Variants in IGSF10 observed in about 807,000 individuals in gnomAD.
The protein encoded by IGSF10 is calvaria mechanical force protein 608.
In IGSF10, 126 loss-of-function variants were observed where a neutral mutation model predicts 128.2. That is an observed-to-expected ratio of 0.98 (90% CI 0.85 to 1.14). The LOEUF (loss-of-function observed/expected upper bound fraction) is 1.14. IGSF10 is among the 50% of genes most tolerant of loss of function. IGSF10 has a pLI of 0.00. For missense variants in IGSF10, 3,295 were observed against 3,149.8 expected (o/e 1.05, Z -1.10); for synonymous variants, 1,185 against 1,146.2 (o/e 1.03, Z -0.68).
chr3:151,531,225 C>T, the IGSF10 span, among the ~76,000 whole-genome samples: 1 of 152,080 alleles, frequency 6.6e-6, no homozygotes, highest in Non-Finnish European at 1.5e-5. Context: ...CTTAGACTCC[C>T]ACACAATAAC....
chr3:151,526,107 C>A, the IGSF10 span, among the ~76,000 whole-genome samples: 8 of 152,204 alleles, frequency 5.3e-5, no homozygotes, highest in Non-Finnish European at 1.0e-4. Context: ...TAGCACATAA[C>A]CATGATACTT....
At position 151,446,338 on chromosome 3, in the gene IGSF10, G is replaced by T. The variant is rs760870413; in HGVS notation, c.3643C>A (p.Pro1215Thr). The T allele has an allele frequency of 6.2e-7, 1 of 1,613,766 alleles. No individual in the cohort carries two copies. Among genetic ancestry groups the T allele is most frequent in the Non-Finnish European group, 8.5e-7 (1 of 1,179,700 alleles). Residue 1215 changes from proline (P) to threonine (T), a missense_variant, in exon 6 of 8, where the codon CCA becomes ACA. Coordinates refer to ENST00000282466, the MANE Select transcript of IGSF10 (RefSeq NM_178822.5). Reference protein sequence around the residue: ...WQQNFVNNHNPKGRLRNQHKV... With the variant: ...WQQNFVNNHNTKGRLRNQHKV... Reference sequence around the variant, plus strand: ...TGTTGATTCCTTAATCTGCCTTTTGGGTTATGGTTATTTACAAAGTTCTGT... The same window carrying T: ...TGTTGATTCCTTAATCTGCCTTTTGTGTTATGGTTATTTACAAAGTTCTGT...
chr3:151,552,466 T>A, the IGSF10 span, among the ~76,000 whole-genome samples: 1 of 152,050 alleles, frequency 6.6e-6, no homozygotes, highest in East Asian at 1.9e-4. Context: ...TAAGTAAATA[T>A]GAATTTCAGG....
At chr3:151,602,578 A>G in the IGSF10 span, among the ~76,000 whole-genome samples, 5 of 151,866 alleles carry the variant, frequency 3.3e-5, no homozygotes, top group Non-Finnish European at 7.4e-5. Context: ...CTACAATTTC[A>G]TTTTTTGATC....
At chr3:151,533,441 G>A in the IGSF10 span, among the ~76,000 whole-genome samples, 2 of 152,274 alleles carry the variant, frequency 1.3e-5, no homozygotes, top group South Asian at 4.2e-4. Flanking sequence ...GCATGGTACT[G>A]GTACCAAAAC....
chr3:151,617,290 T>TTCTTCTTCC, the IGSF10 span, among the ~76,000 whole-genome samples: 1 of 126,256 alleles, frequency 7.9e-6, no homozygotes, highest in Non-Finnish European at 1.6e-5. Context: ...CTTCTTCTTC[T>TTCTTCTTCC]TCTTCTTCTT....
At chr3:151,493,401 C>T in the IGSF10 span, among the ~76,000 whole-genome samples, 1 of 152,128 alleles carries the variant, frequency 6.6e-6, no homozygotes, top group Non-Finnish European at 1.5e-5. Flanking sequence ...CGATGGACCC[C>T]CATATACCAG....
At chr3:151,610,547 A>C in the IGSF10 span, among the ~76,000 whole-genome samples, 1 of 152,218 alleles carries the variant, frequency 6.6e-6, no homozygotes, top group Admixed American at 6.5e-5. Flanking sequence ...TTGTTTTATT[A>C]AATGACAGAA....
Position 151,447,039 on chromosome 3 carries a change from G to T in IGSF10, c.2942C>A (p.Thr981Lys). ...SHTTQILSTS[T>K]FPSDPHTAAH... ...AGCTGTGTGTGGATCTGAAGGGAAC[G>T]TGGAGGTGCTAAGTATTTGAGTAGT... The change falls in exon 6 of 8, where the codon ACG becomes AAG. Residue 981 changes from threonine (T) to lysine (K), a missense_variant. Transcript: ENST00000282466. 6.2e-7 allele frequency: 1 copy of T among 1,613,902 alleles called. No individual in the cohort carries two copies. Among genetic ancestry groups the T allele is most frequent in the Non-Finnish European group, 8.5e-7 (1 of 1,179,904 alleles).
the IGSF10 span, among the ~76,000 whole-genome samples, chr3:151,543,335 C>G: frequency 6.6e-6 from 1 of 152,110 alleles, no homozygotes; most frequent in Non-Finnish European, 1.5e-5. Flanking sequence ...AGCAGCTTAC[C>G]CACATTAGCT....
At chr3:151,615,806 A>G in the IGSF10 span, among the ~76,000 whole-genome samples, 1 of 152,198 alleles carries the variant, frequency 6.6e-6, no homozygotes, top group Non-Finnish European at 1.5e-5. Context: ...ATAGAAAAAT[A>G]TTAACAGTAA....
the IGSF10 span, among the ~76,000 whole-genome samples, chr3:151,607,023 C>T: frequency 1.3e-5 from 2 of 152,190 alleles, no homozygotes; most frequent in Non-Finnish European, 2.9e-5. Context: ...GGACCTCAGG[C>T]ACACTACTTC....
the IGSF10 span, among the ~76,000 whole-genome samples, chr3:151,611,930 T>C: frequency 6.6e-6 from 1 of 152,190 alleles, no homozygotes; most frequent in African/African-American, 2.4e-5. Flanking sequence ...AGCCACTGAC[T>C]CACCTTCAGT....
At chr3:151,451,976 A>G (rs1721531994) in intron 5 of IGSF10, among the ~76,000 whole-genome samples, 1 of 152,236 alleles carries the variant, frequency 6.6e-6, no homozygotes, top group Non-Finnish European at 1.5e-5. Context: ...ACATTTAACT[A>G]CTGAGATCAG....
rs761468860 is a variant in IGSF10, at chr3:151,448,924, C to T, written c.1057G>A (p.Val353Met). 3.3e-5 allele frequency: 53 copies of T among 1,614,034 alleles called. No homozygotes were observed. Among genetic ancestry groups the T allele is most frequent in the Middle Eastern group, 1.6e-4 (1 of 6,084 alleles). ...AATGTTGAAAATGAAGTATTTAGCACGATGTAGTCATTTTCTTCAGTGAAT... is the reference window on the plus strand; with the variant it reads ...AATGTTGAAAATGAAGTATTTAGCATGATGTAGTCATTTTCTTCAGTGAAT... ...IAFTEENDYIVLNTSFSTFLV... is the reference protein window; with the variant it reads ...IAFTEENDYIMLNTSFSTFLV... The change falls in exon 6 of 8, where the codon GTG (valine) becomes ATG (methionine). Residue 353 changes from valine (V) to methionine (M), a missense_variant. Transcript: ENST00000282466.
At chr3:151,559,171 AAAAC>A in the IGSF10 span, among the ~76,000 whole-genome samples, 6 of 152,166 alleles carry the variant, frequency 3.9e-5, no homozygotes, top group Admixed American at 2.6e-4. Context: ...AAGGGAGTAA[AAAAC>A]AAACAAACAA....
chr3:151,473,158 C>T, the IGSF10 span, among the ~76,000 whole-genome samples: 70 of 152,276 alleles, frequency 4.6e-4, no homozygotes, highest in Middle Eastern at 0.01. Flanking sequence ...CTAATCCTTT[C>T]GTTTTCTGTA....
chr3:151,446,626 C>T lies in IGSF10; in HGVS notation c.3355G>A (p.Val1119Ile). Reference protein sequence around the residue: ...PLLLLENKPSVEKTTPTIKYF... With the variant: ...PLLLLENKPSIEKTTPTIKYF... ...TTTATTGTGGGTGTTGTTTTCTCTA[C>T]ACTGGGTTTGTTCTCAAGTAGTAAT... The change falls in exon 6 of 8, where the codon GTA becomes ATA. Residue 1119 changes from valine (V) to isoleucine (I), a missense_variant. By Grantham distance (29) the Val-to-Ile change is conservative. Transcript: ENST00000282466. 6.2e-7 allele frequency: 1 copy of T among 1,614,098 alleles called. No homozygotes were observed. The highest frequency in any genetic ancestry group is 8.5e-7 in the Non-Finnish European group (1 of 1,180,018).
rs1358483759 is a variant in IGSF10, at chr3:151,447,615, AT to A, written c.2365del (p.Ile789TyrfsTer26). The A allele has an allele frequency of 6.2e-7, 1 of 1,613,982 alleles. No individual in the cohort carries two copies. Among genetic ancestry groups the A allele is most frequent in the Non-Finnish European group, 8.5e-7 (1 of 1,180,028 alleles). ...PPPVVTQLPN[I>X]PGEEDDSSGM... The stretch of plus-strand genomic sequence containing the variant: ...TGAGGAATCGTCTTCTTCACCAGGT[AT>A]GTTTGGGAGTTGGGTGACCACTGGG... On this transcript the variant is annotated frameshift_variant, in exon 6 of 8. Transcript: ENST00000282466. LOFTEE classifies it high-confidence loss of function.
Sources: allele counts gnomAD v4.1 joint callset (sites outside exome capture counted in the v4.1 genomes callset), GRCh38; gene constraint gnomAD v4.1.1; transcripts MANE v1.5; gene names NCBI Gene and HGNC (gene_info 2026-07-23, HGNC 2026-07-21).